Variants in CD226 observed in about 807,000 individuals in gnomAD.
CD226 encodes CD226 antigen.
A neutral mutation model predicts 34.9 loss-of-function variants in CD226; 24 were observed. The ratio of observed to expected loss-of-function variants is 0.69; its 90% confidence interval spans 0.50 to 0.97. The LOEUF (loss-of-function observed/expected upper bound fraction) is 0.97. Ranked by LOEUF, CD226 falls within the 50% of genes least tolerant of loss-of-function variation. CD226 has a pLI of 0.00. For synonymous variants in CD226, 148 were observed against 147.4 expected (o/e 1.00, Z -0.03); for missense variants, 397 against 412.7 (o/e 0.96, Z 0.33).
Position 69,862,412 on chromosome 18 carries a change from G to C in CD226, c.*1902C>G, listed in dbSNP as rs1219365508. 1.3e-5 allele frequency: 2 copies of C among 152,112 alleles called. No individual in the cohort carries two copies. The highest frequency in any genetic ancestry group is 2.9e-5 in the Non-Finnish European group (2 of 67,976). 9.4% of individuals were successfully genotyped at this position (152,112 alleles called of 1,614,324 possible). On this transcript the variant is annotated 3_prime_UTR_variant, in exon 6 of 6. Transcript: ENST00000582621. ...CAATAAATTCACTCACAGAATCTTTGATTGATCTGATAGTAGAGTGCTTTC... is the reference window on the plus strand; with the variant it reads ...CAATAAATTCACTCACAGAATCTTTCATTGATCTGATAGTAGAGTGCTTTC...
At chr18:69,875,896 G>T (rs148825079) in intron 3 of CD226, among the ~76,000 whole-genome samples, 2 of 152,340 alleles carry the variant, frequency 1.3e-5, no homozygotes, top group African/African-American at 2.4e-5. Flanking sequence ...AACAGTGGTT[G>T]CCAGGAGGTG....
upstream of CD226, among the ~76,000 whole-genome samples, chr18:69,957,934 A>C (rs285217): frequency 4.2e-3 from 638 of 152,290 alleles, 2 homozygotes; most frequent in African/African-American, 0.015. Context: ...GTTATGTCTT[A>C]TAAGTCTTCT....
rs1982558159 is a variant in CD226 at position 69,854,490 on chromosome 18, T to G, written c.*9824A>C. On this transcript the variant is annotated 3_prime_UTR_variant, in exon 6 of 6. Coordinates refer to ENST00000582621, the MANE Select transcript of CD226 (RefSeq NM_001303618.2). Reference sequence around the variant, plus strand: ...TGAGGATCCAAGAAAAATTTCCTCGTGGCTCTGGCAACAGATAGAGAGGGA... The same window carrying G: ...TGAGGATCCAAGAAAAATTTCCTCGGGGCTCTGGCAACAGATAGAGAGGGA... 1 of 152,268 alleles carries G rather than the reference T, an allele frequency of 6.6e-6. No individual in the cohort carries two copies. The highest frequency in any genetic ancestry group is 6.5e-5 in the Admixed American group (1 of 15,282). The allele number at this position is 152,268 out of a possible 1,614,324, so 9.4% of individuals were successfully genotyped here.
chr18:69,907,374 T>G (rs368876171), intron 2 of CD226, among the ~76,000 whole-genome samples: 9 of 152,200 alleles, frequency 5.9e-5, no homozygotes, highest in African/African-American at 1.9e-4. Flanking sequence ...TGGAGTGCAG[T>G]GATGGTATCT....
At chr18:69,875,334 C>T (rs553591814) in intron 3 of CD226, among the ~76,000 whole-genome samples, 163 of 152,266 alleles carry the variant, frequency 1.1e-3, no homozygotes, top group Non-Finnish European at 1.8e-3. Context: ...GATGGGGTTT[C>T]ACCCTGTTGG....
At position 69,863,350 on chromosome 18, in the gene CD226, C is replaced by A. The variant is rs1407930837; in HGVS notation, c.*964G>T. 2 of 152,090 alleles carry A rather than the reference C, an allele frequency of 1.3e-5. No individual in the cohort carries two copies. The highest frequency in any genetic ancestry group is 4.8e-5 in the African/African-American group (2 of 41,408). The allele number at this position is 152,090 out of a possible 1,614,324, so 9.4% of individuals were successfully genotyped here. A position where few individuals can be genotyped will look rare whatever the true frequency, so the allele number is the denominator to read the frequency against. On this transcript the variant is annotated 3_prime_UTR_variant, in exon 6 of 6. Coordinates refer to ENST00000582621, the MANE Select transcript of CD226 (RefSeq NM_001303618.2). The stretch of plus-strand genomic sequence containing the variant: ...ATTCTCAAAAGTAGACAAAATATGT[C>A]CAAAACATTAAGTTATTTATTATTC...
intron 3 of CD226, among the ~76,000 whole-genome samples, chr18:69,888,862 A>T (rs377371449): frequency 6.6e-6 from 1 of 152,200 alleles, no homozygotes; most frequent in Non-Finnish European, 1.5e-5. Flanking sequence ...TTAGAGTTTC[A>T]TTCCCTCTGA....
Position 69,902,437 on chromosome 18 carries a change from G to C in CD226, c.383-6392C>G, listed in dbSNP as rs924726399. On this transcript the variant is annotated intron_variant, in intron 2 of 5. Transcript: ENST00000582621. ...ATCAGTGTTCTTGACCTGAATGCTG[G>C]ATGTCCAGCCCTCCTGGAAATACTC... 2.0e-5 allele frequency among the ~76,000 whole-genome samples: 3 copies of C among 151,868 alleles called. No homozygotes were observed. The East Asian group carries it at 5.8e-4, about 30-fold the overall frequency.
intron 2 of CD226, among the ~76,000 whole-genome samples, chr18:69,943,362 T>C (rs9319792): frequency 0.92 from 139,347 of 152,228 alleles, 64,695 homozygotes; most frequent in East Asian, 1. Context: ...GAAAGGGCTA[T>C]CTGGAAAATG....
At chr18:69,929,306 C>T (rs1465661721) in intron 2 of CD226, among the ~76,000 whole-genome samples, 1 of 152,002 alleles carries the variant, frequency 6.6e-6, no homozygotes, top group East Asian at 1.9e-4. Flanking sequence ...TGAGGACACC[C>T]TGGATCTAGT....
At position 69,862,269 on chromosome 18, in the gene CD226, A is replaced by G. The variant is rs1568150828; in HGVS notation, c.*2045T>C. On this transcript the variant is annotated 3_prime_UTR_variant, in exon 6 of 6. Coordinates refer to ENST00000582621, the MANE Select transcript of CD226 (RefSeq NM_001303618.2). The stretch of plus-strand genomic sequence containing the variant: ...AATGTTTTCCTGCTCACATACACTA[A>G]TCATTGAGAATTTGGTTATTGGAGT... 6.6e-6 allele frequency: 1 copy of G among 152,136 alleles called. No individual in the cohort carries two copies. The highest frequency in any genetic ancestry group is 1.5e-5 in the Non-Finnish European group (1 of 67,982). 9.4% of individuals were successfully genotyped at this position (152,136 alleles called of 1,614,324 possible).
chr18:69,876,912 G>A (rs911426073), intron 3 of CD226, among the ~76,000 whole-genome samples: 3 of 139,494 alleles, frequency 2.2e-5, no homozygotes, highest in Non-Finnish European at 3.0e-5. Flanking sequence ...CACCCAGGCT[G>A]GAGTACAATG....
At chr18:69,904,026 C>A (rs572138928) in intron 2 of CD226, among the ~76,000 whole-genome samples, 1 of 152,078 alleles carries the variant, frequency 6.6e-6, no homozygotes, top group African/African-American at 2.4e-5. Context: ...CCACACGTTG[C>A]CATTTTCTGT....
At chr18:69,956,201 G>A (rs554714882) in intron 1 of CD226, among the ~76,000 whole-genome samples, 1 of 152,362 alleles carries the variant, frequency 6.6e-6, no homozygotes, top group African/African-American at 2.4e-5. Context: ...TGCTCACTTG[G>A]TTACATACCA....
intron 2 of CD226, among the ~76,000 whole-genome samples, 178 bp downstream of exon 2, chr18:69,946,556 T>C (rs2055794917): frequency 6.6e-6 from 1 of 152,038 alleles, no homozygotes; most frequent in South Asian, 2.1e-4. Context: ...GTCAGAAAAA[T>C]GAAACAGACT....
chr18:69,958,828 CAT>C (rs1295141380), upstream of CD226, among the ~76,000 whole-genome samples: 2 of 144,736 alleles, frequency 1.4e-5, no homozygotes, highest in Admixed American at 6.9e-5. Flanking sequence ...CACACACACA[CAT>C]CCTTCTCCTT....
chr18:69,906,699 G>A (rs1005015926), intron 2 of CD226, among the ~76,000 whole-genome samples: 2 of 152,208 alleles, frequency 1.3e-5, no homozygotes, highest in Non-Finnish European at 2.9e-5. Context: ...CAATATTCAC[G>A]TTCGTTGTAA....
intron 3 of CD226, among the ~76,000 whole-genome samples, chr18:69,873,885 A>G (rs1983701698): frequency 1.3e-5 from 2 of 152,182 alleles, no homozygotes; most frequent in South Asian, 4.1e-4. Context: ...TAAATAAAAT[A>G]GTAAATAAAC....
chr18:69,949,879 CTG>C (rs542223521), upstream of CD226, among the ~76,000 whole-genome samples: 21 of 152,106 alleles, frequency 1.4e-4, 1 homozygote, highest in African/African-American at 2.2e-4. Context: ...CATATGCACA[CTG>C]TCTCACTCTA....
Sources: allele counts gnomAD v4.1 joint callset (sites outside exome capture counted in the v4.1 genomes callset), GRCh38; gene constraint gnomAD v4.1.1; transcripts MANE v1.5; gene names NCBI Gene and HGNC (gene_info 2026-07-23, HGNC 2026-07-21).